The following DNAAF9 variants were observed in gnomAD, a reference collection of about 807,000 sequenced individuals.
The protein encoded by DNAAF9 is dynein axonemal assembly factor 9.
DNAAF9 carries 90 observed loss-of-function variants against 167.0 expected under a neutral mutation model. The observed-to-expected ratio is 0.54, with a 90% confidence interval of 0.45 to 0.64. The LOEUF is 0.64. DNAAF9 is among the 30% of genes least tolerant of loss of function. The pLI is 0.00. For missense variants in DNAAF9, 1,315 were observed against 1,442.2 expected (o/e 0.91, Z 1.43); for synonymous variants, 491 against 508.8 (o/e 0.96, Z 0.47).
intron 7 of DNAAF9, among the ~76,000 whole-genome samples, chr20:3,352,349 T>A (rs112393990): frequency 0.034 from 5,196 of 152,244 alleles, 136 homozygotes; most frequent in African/African-American, 0.071. Context: ...AGTGCCCCTG[T>A]ATCCTGGGCC....
intron 16 of DNAAF9, among the ~76,000 whole-genome samples, chr20:3,319,739 G>GA (rs1182820588): frequency 1.3e-5 from 2 of 152,030 alleles, no homozygotes; most frequent in Non-Finnish European, 2.9e-5. Flanking sequence ...AGGTTGAAAG[G>GA]AAAAAAACCA....
At chr20:3,368,173 C>T (rs912337418) in intron 6 of DNAAF9, among the ~76,000 whole-genome samples, 2 of 152,146 alleles carry the variant, frequency 1.3e-5, no homozygotes, top group African/African-American at 4.8e-5. Context: ...GTTCTTTCCT[C>T]TTTAGTACTC....
rs757045966 is a variant in DNAAF9 at position 3,294,574 on chromosome 20, G to A, written c.2074C>T (p.Arg692Trp). The A allele has an allele frequency of 2.5e-5, 40 of 1,613,694 alleles. No homozygotes were observed. In the Middle Eastern group the frequency reaches 8.3e-4, roughly 33 times the overall value. The change falls in exon 24 of 37, where the codon CGG (arginine) becomes TGG (tryptophan). Residue 692 changes from arginine to tryptophan, a missense_variant. Physicochemically the swap from Arg to Trp is moderately radical, Grantham distance 101. This residue lies in a region of DNAAF9 where 981 missense variants were observed against 1,012.5 expected (regional missense o/e 0.97). Transcript: ENST00000252032. ...GCTGAGAGTAACTTTAGGGAACTCC[G>A]TTTCTCCCCAGCAGGCTGGCTCAGG... Reference protein sequence around the residue: ...SALSQPAGEKRSSLKLLSAKL... With the variant: ...SALSQPAGEKWSSLKLLSAKL...
chr20:3,394,920 C>T (rs2083877376), intron 1 of DNAAF9, among the ~76,000 whole-genome samples: 1 of 139,586 alleles, frequency 7.2e-6, no homozygotes. Flanking sequence ...TCAAAGATTC[C>T]ATGGCTTTTA....
At chr20:3,268,774 G>T (rs1487401555) in intron 30 of DNAAF9, among the ~76,000 whole-genome samples, 1 of 151,974 alleles carries the variant, frequency 6.6e-6, no homozygotes, top group Non-Finnish European at 1.5e-5. Context: ...AAACAAAACA[G>T]CTATATAACC....
chr20:3,382,020 T>C (rs1309912170), intron 2 of DNAAF9, among the ~76,000 whole-genome samples: 1 of 152,190 alleles, frequency 6.6e-6, no homozygotes, highest in Non-Finnish European at 1.5e-5. Context: ...TCATGAAGCT[T>C]ACAGTCTAGA....
chr20:3,396,196 C>T (rs2083904759), intron 1 of DNAAF9, among the ~76,000 whole-genome samples: 1 of 152,178 alleles, frequency 6.6e-6, no homozygotes, highest in South Asian at 2.1e-4. Flanking sequence ...TTATCAACAG[C>T]ATGAAAACAG....
chr20:3,301,083 C>A (rs2069177978), intron 21 of DNAAF9, among the ~76,000 whole-genome samples: 1 of 151,012 alleles, frequency 6.6e-6, no homozygotes, highest in African/African-American at 2.4e-5. Context: ...GGTACAATCA[C>A]AGCTCATTGC....
At chr20:3,333,806 C>G (rs1472139672) in intron 10 of DNAAF9, among the ~76,000 whole-genome samples, 1 of 152,066 alleles carries the variant, frequency 6.6e-6, no homozygotes, top group Non-Finnish European at 1.5e-5. Flanking sequence ...GTACGTGAAT[C>G]TGAAGTCTAT....
At chr20:3,401,124 A>G (rs771352199) in intron 1 of DNAAF9, among the ~76,000 whole-genome samples, 1 of 152,256 alleles carries the variant, frequency 6.6e-6, no homozygotes, top group African/African-American at 2.4e-5. Context: ...CAACTAGCTA[A>G]GAAACACCTG....
At chr20:3,262,111 C>T (rs1159723258) in intron 31 of DNAAF9, among the ~76,000 whole-genome samples, 1 of 152,104 alleles carries the variant, frequency 6.6e-6, no homozygotes, top group East Asian at 1.9e-4. Flanking sequence ...AGACTGATGA[C>T]TGCCATCTTG....
chr20:3,370,850 T>A (rs1275628116), intron 6 of DNAAF9, among the ~76,000 whole-genome samples: 2 of 152,180 alleles, frequency 1.3e-5, no homozygotes, highest in African/African-American at 4.8e-5. Flanking sequence ...TTTCAGTTTT[T>A]TTACAAAACC....
At chr20:3,341,890 G>A (rs1342511009) in intron 9 of DNAAF9, among the ~76,000 whole-genome samples, 2 of 152,074 alleles carry the variant, frequency 1.3e-5, no homozygotes, top group Non-Finnish European at 2.9e-5. Flanking sequence ...CCATTCTCCT[G>A]CCTCAGCCTC....
chr20:3,295,541 A>G (rs2069057530), intron 23 of DNAAF9: 4 of 322,832 alleles, frequency 1.2e-5, no homozygotes, highest in South Asian at 1.1e-4. Flanking sequence ...TGAATTCCCC[A>G]TCTACAATGA....
At chr20:3,361,836 G>A (rs773555926) in intron 6 of DNAAF9, 41 of 1,430,234 alleles carry the variant, frequency 2.9e-5, no homozygotes, top group Middle Eastern at 2.5e-4. Context: ...TGCTTAAATC[G>A]AATGTTGGGG....
chr20:3,365,176 T>C (rs1243601530), intron 6 of DNAAF9, among the ~76,000 whole-genome samples: 2 of 152,082 alleles, frequency 1.3e-5, no homozygotes, highest in African/African-American at 4.8e-5. Flanking sequence ...GATAATGTTA[T>C]GTTGCTCAGA....
intron 11 of DNAAF9, among the ~76,000 whole-genome samples, chr20:3,331,357 T>C (rs2069825469): frequency 6.6e-6 from 1 of 152,208 alleles, no homozygotes; most frequent in South Asian, 2.1e-4. Flanking sequence ...GTTATGCTTC[T>C]TTCCAGAGTT....
chr20:3,346,114 T>C (rs1337232447), intron 8 of DNAAF9, among the ~76,000 whole-genome samples: 8 of 152,248 alleles, frequency 5.3e-5, no homozygotes, highest in Non-Finnish European at 7.3e-5. Context: ...AATACCGATA[T>C]ACTATTTTTC....
intron 1 of DNAAF9, among the ~76,000 whole-genome samples, chr20:3,405,048 C>T (rs1024131438): frequency 6.6e-6 from 1 of 152,170 alleles, no homozygotes; most frequent in Non-Finnish European, 1.5e-5. Context: ...AAATTTGTAC[C>T]ATGAAAGGCT....
Sources: allele counts gnomAD v4.1 joint callset (sites outside exome capture counted in the v4.1 genomes callset), GRCh38; gene constraint gnomAD v4.1.1; regional missense constraint gnomAD v4.1.1; transcripts MANE v1.5; gene names NCBI Gene and HGNC (gene_info 2026-07-23, HGNC 2026-07-21).